FOXN2: variants seen among roughly 807,000 people sequenced by gnomAD.
FOXN2 encodes the protein forkhead box N2, also known as forkhead box protein N2.
In FOXN2, 19 loss-of-function variants were observed where a neutral mutation model predicts 41.2. The observed-to-expected ratio is 0.46, with a 90% confidence interval of 0.32 to 0.68. FOXN2 has a LOEUF of 0.68. Among genes scored for constraint, FOXN2 ranks in the 30% least tolerant of loss-of-function variants. FOXN2 has a pLI of 0.03. For missense variants in FOXN2, 587 were observed against 509.4 expected, an observed-to-expected ratio of 1.15 and a Z score of -1.47; for synonymous variants, 195 against 176.8, an observed-to-expected ratio of 1.10 and a Z score of -0.82.
chr2:48,317,479 G>A (rs1347836286), intron 1 of FOXN2, among the ~76,000 whole-genome samples: 2 of 149,944 alleles, frequency 1.3e-5, no homozygotes, highest in Non-Finnish European at 3.0e-5. Context: ...TTGAAGGGTT[G>A]AGAACAAAGA....
At chr2:48,363,798 A>T (rs1490332558) in intron 5 of FOXN2, among the ~76,000 whole-genome samples, 1 of 152,218 alleles carries the variant, frequency 6.6e-6, no homozygotes, top group East Asian at 1.9e-4. Context: ...GAGCAATCCT[A>T]GGTGTGTAGT....
intron 1 of FOXN2, 97 bp downstream of exon 1, chr2:48,314,911 G>GA (rs1668789142): frequency 6.6e-6 from 1 of 151,890 alleles, no homozygotes; most frequent in South Asian, 2.1e-4. Context: ...AGCGACCCGC[G>GA]CCAGGCGTGG....
intron 3 of FOXN2, among the ~76,000 whole-genome samples, chr2:48,348,852 TTG>T (rs1350493860): frequency 2.0e-5 from 3 of 152,206 alleles, no homozygotes; most frequent in Non-Finnish European, 4.4e-5. Flanking sequence ...ACATTTGAGG[TTG>T]GGAGAGAGGT....
intron 4 of FOXN2, among the ~76,000 whole-genome samples, chr2:48,360,708 A>G (rs1672116366): frequency 6.6e-6 from 1 of 151,826 alleles, no homozygotes; most frequent in African/African-American, 2.4e-5. Context: ...TTTGGTTATT[A>G]TGAGGCATTT....
At chr2:48,322,677 G>C (rs1447749874) in intron 1 of FOXN2, among the ~76,000 whole-genome samples, 1 of 149,476 alleles carries the variant, frequency 6.7e-6, no homozygotes, top group Non-Finnish European at 1.5e-5. Context: ...TCTTTCTTGA[G>C]CTCTATCACC....
chr2:48,324,667 G>C (rs1029096361), intron 1 of FOXN2, among the ~76,000 whole-genome samples: 10 of 152,112 alleles, frequency 6.6e-5, no homozygotes, highest in African/African-American at 2.4e-4. Context: ...ACTCTGCTTA[G>C]GGATATTGAG....
intron 2 of FOXN2, 84 bp downstream of exon 2, chr2:48,328,786 T>C (rs1669844763): frequency 1.3e-5 from 2 of 152,334 alleles, no homozygotes; most frequent in African/African-American, 4.8e-5. Context: ...TTAACAGTTT[T>C]GTTTAGATGT....
chr2:48,357,584 G>A (rs948464124), intron 3 of FOXN2, among the ~76,000 whole-genome samples: 4 of 150,816 alleles, frequency 2.7e-5, no homozygotes, highest in African/African-American at 9.8e-5. Flanking sequence ...CTATAGGCGC[G>A]CACCACCACA....
At chr2:48,355,576 A>G (rs184472568) in intron 3 of FOXN2, among the ~76,000 whole-genome samples, 361 of 152,194 alleles carry the variant, frequency 2.4e-3, no homozygotes, top group Non-Finnish European at 3.9e-3. Flanking sequence ...TAATTTATGA[A>G]ATGTTTCTTG....
At chr2:48,351,432 C>G (rs1414086256) in intron 3 of FOXN2, among the ~76,000 whole-genome samples, 1 of 152,118 alleles carries the variant, frequency 6.6e-6, no homozygotes. Flanking sequence ...ATCATAATAG[C>G]AACATGAACA....
At chr2:48,322,035 G>A (rs1201221716) in intron 1 of FOXN2, among the ~76,000 whole-genome samples, 14 of 152,088 alleles carry the variant, frequency 9.2e-5, no homozygotes, top group Admixed American at 7.9e-4. Flanking sequence ...TGCAATCTCC[G>A]CCTTCGAGGT....
intron 3 of FOXN2, among the ~76,000 whole-genome samples, chr2:48,358,265 C>T (rs780190376): frequency 4.0e-5 from 6 of 151,372 alleles, no homozygotes; most frequent in Non-Finnish European, 8.8e-5. Flanking sequence ...CCCTTACGTA[C>T]GTCAGTTTCA....
At chr2:48,354,687 G>C (rs1307526278) in intron 3 of FOXN2, among the ~76,000 whole-genome samples, 2 of 152,190 alleles carry the variant, frequency 1.3e-5, no homozygotes, top group Non-Finnish European at 2.9e-5. Context: ...GAGTTGAGAA[G>C]CAATGTTTAC....
Position 48,368,181 on chromosome 2 carries a change from T to A in FOXN2, c.704-5111T>A, listed in dbSNP as rs143535628. 2.9e-3 allele frequency among the ~76,000 whole-genome samples: 444 copies of A among 152,262 alleles called. 3 individuals are homozygous for A. Among genetic ancestry groups the A allele is most frequent in the African/African-American group, 0.01 (419 of 41,558 alleles). The stretch of plus-strand genomic sequence containing the variant: ...GACACGGTTTTGTTTGAACCAGTTA[T>A]GAAATCAGTAGCATGTTTGAAACTA... On this transcript the variant is annotated intron_variant, in intron 5 of 6. Coordinates refer to ENST00000340553, the MANE Select transcript of FOXN2 (RefSeq NM_002158.4).
intron 4 of FOXN2, among the ~76,000 whole-genome samples, chr2:48,362,331 C>T (rs1217577747): frequency 1.3e-5 from 2 of 152,074 alleles, no homozygotes; most frequent in Admixed American, 1.3e-4. Context: ...TGTAGGAGGC[C>T]AAGGCAGGTA....
intron 3 of FOXN2, among the ~76,000 whole-genome samples, chr2:48,357,183 A>G (rs1241753272): frequency 1.3e-5 from 2 of 152,238 alleles, no homozygotes; most frequent in African/African-American, 2.4e-5. Context: ...CTGTTACTTG[A>G]GACCATACTC....
chr2:48,315,790 T>A (rs1668872389), intron 1 of FOXN2, among the ~76,000 whole-genome samples: 1 of 152,240 alleles, frequency 6.6e-6, no homozygotes. Context: ...TCTGCTTCGC[T>A]GACGACCCAC....
intron 5 of FOXN2, among the ~76,000 whole-genome samples, chr2:48,366,096 C>G (rs1190837457): frequency 6.6e-6 from 1 of 152,170 alleles, no homozygotes; most frequent in African/African-American, 2.4e-5. Flanking sequence ...GTGGCTCACG[C>G]CTATAATCCC....
At chr2:48,361,415 C>T (rs1053715795) in intron 4 of FOXN2, among the ~76,000 whole-genome samples, 5 of 150,234 alleles carry the variant, frequency 3.3e-5, no homozygotes, top group African/African-American at 7.4e-5. Flanking sequence ...TGCAGTGAGC[C>T]GAGATTGCGC....
Sources: allele counts gnomAD v4.1 joint callset (sites outside exome capture counted in the v4.1 genomes callset), GRCh38; gene constraint gnomAD v4.1.1; transcripts MANE v1.5; gene names NCBI Gene and HGNC (gene_info 2026-07-23, HGNC 2026-07-21).